Variants in PRKCE observed in about 807,000 individuals in gnomAD.
The protein encoded by PRKCE is protein kinase C epsilon, also known as protein kinase C epsilon type.
PRKCE carries 16 observed loss-of-function variants against 85.4 expected under a neutral mutation model. The observed-to-expected ratio is 0.19, with a 90% confidence interval of 0.13 to 0.28. The LOEUF is 0.28. Ranked by LOEUF, PRKCE falls within the 10% of genes least tolerant of loss-of-function variation. The probability of loss-of-function intolerance (pLI) is 1.00; values close to 1 mark genes in which losing one functional copy is unlikely to be tolerated. For synonymous variants in PRKCE, 388 were observed against 371.5 expected, an observed-to-expected ratio of 1.04 and a Z score of -0.51; for missense variants, 573 against 975.2, an observed-to-expected ratio of 0.59 and a Z score of 5.49.
At position 46,004,312 on chromosome 2, in the gene PRKCE, G is replaced by T; in HGVS notation, c.967-230G>T. 2.1e-6 allele frequency: 1 copy of T among 470,822 alleles called. No individual in the cohort carries two copies. The highest frequency in any genetic ancestry group is 4.1e-5 in the East Asian group (1 of 24,542). The allele number at this position is 470,822 out of a possible 1,614,324, so 29.2% of individuals were successfully genotyped here. A position where few individuals can be genotyped will look rare whatever the true frequency, so the allele number is the denominator to read the frequency against. On this transcript the variant is annotated intron_variant, in intron 7 of 14. Coordinates refer to ENST00000306156, the MANE Select transcript of PRKCE (RefSeq NM_005400.3). This position sits in a 1 kb window ranked among gnomAD's most constrained non-coding sequence, Gnocchi z 4.1. ...GACATCATCCTTCTGTGAATGTAGG[G>T]AAGGTGCACTGAAATTCCTTTTGTG... is the stretch of plus-strand genomic sequence containing the variant.
At chr2:45,983,082 G>C (rs151240338) in intron 5 of PRKCE, among the ~76,000 whole-genome samples, 197 of 152,348 alleles carry the variant, frequency 1.3e-3, no homozygotes, top group Non-Finnish European at 1.9e-3. Context: ...GAATGGGTGA[G>C]TATAGTTGTT....
At chr2:45,752,441 C>A (rs1418235832) in intron 1 of PRKCE, among the ~76,000 whole-genome samples, 1 of 152,122 alleles carries the variant, frequency 6.6e-6, no homozygotes, top group Non-Finnish European at 1.5e-5. Flanking sequence ...CGCCCTCCCT[C>A]CCCTCCCCAC....
At chr2:45,976,366 A>G in intron 2 of PRKCE, 63 bp from the exon 3 acceptor site, 1 of 1,543,276 alleles carries the variant, frequency 6.5e-7, no homozygotes, top group Non-Finnish European at 8.8e-7. Flanking sequence ...CTCCAGAGGG[A>G]GCTCATTTTG....
intron 1 of PRKCE, among the ~76,000 whole-genome samples, chr2:45,746,384 C>T (rs1409876920): frequency 6.6e-6 from 1 of 152,194 alleles, no homozygotes; most frequent in Non-Finnish European, 1.5e-5. Flanking sequence ...CTTTCTGGTC[C>T]TCACTGTTGA....
At chr2:46,098,412 C>T (rs1574466764) in intron 11 of PRKCE, among the ~76,000 whole-genome samples, 1 of 152,172 alleles carries the variant, frequency 6.6e-6, no homozygotes, top group Admixed American at 6.5e-5. Context: ...AGAGTAATTG[C>T]TCACTAAACA....
intron 6 of PRKCE, among the ~76,000 whole-genome samples, chr2:45,991,301 C>G (rs971067884): frequency 6.6e-5 from 10 of 152,218 alleles, no homozygotes; most frequent in African/African-American, 2.4e-4. Context: ...GCCACCACGC[C>G]AGACCTTATA....
At chr2:45,681,458 T>A (rs1676896177) in intron 1 of PRKCE, among the ~76,000 whole-genome samples, 1 of 152,174 alleles carries the variant, frequency 6.6e-6, no homozygotes, top group South Asian at 2.1e-4. Context: ...TATATCTATT[T>A]GTAAACTGAG....
At chr2:45,894,958 G>A (rs1199050772) in intron 2 of PRKCE, among the ~76,000 whole-genome samples, 1 of 152,162 alleles carries the variant, frequency 6.6e-6, no homozygotes, top group African/African-American at 2.4e-5. Context: ...CCTGACCTCA[G>A]GCGATCTGTC....
intron 1 of PRKCE, among the ~76,000 whole-genome samples, chr2:45,743,283 T>G (rs1204711033): frequency 1.3e-5 from 2 of 152,182 alleles, no homozygotes; most frequent in Non-Finnish European, 2.9e-5. Context: ...TACAAAAAAG[T>G]AGGTGAGGTG....
In PRKCE at chr2:45,856,310, A is replaced by G. The variant is rs559037605; in HGVS notation, c.412+13247A>G. 4.9e-3 allele frequency among the ~76,000 whole-genome samples: 749 copies of G among 152,266 alleles called. 7 individuals are homozygous for G. The highest frequency in any genetic ancestry group is 0.017 in the African/African-American group (694 of 41,552). On this transcript the variant is annotated intron_variant, in intron 2 of 14. Transcript: ENST00000306156. Reference sequence around the variant, plus strand: ...CAGTGGCACAGTCTCCGCTCACTGCAGCCTCTGCCTCTCAGGTTCGAGTAA... The same window carrying G: ...CAGTGGCACAGTCTCCGCTCACTGCGGCCTCTGCCTCTCAGGTTCGAGTAA...
rs903630758 is a variant in PRKCE, at chr2:45,786,154, A to C, written c.349-56846A>C. 9.9e-5 allele frequency among the ~76,000 whole-genome samples: 15 copies of C among 152,160 alleles called. No homozygotes were observed. Among genetic ancestry groups the C allele is most frequent in the Admixed American group, 6.5e-5 (1 of 15,284 alleles). On this transcript the variant is annotated intron_variant, in intron 1 of 14. Coordinates refer to ENST00000306156, the MANE Select transcript of PRKCE (RefSeq NM_005400.3). The surrounding 1 kb of genome is among the most constrained non-coding windows in gnomAD (Gnocchi z 5.3). ...TTGAAATGAGCAATGTATTATTAGC[A>C]AGGGGCATTGATTGCAGTCTGCCAG... is the stretch of plus-strand genomic sequence containing the variant.
intron 1 of PRKCE, among the ~76,000 whole-genome samples, chr2:45,702,238 A>T (rs971835268): frequency 6.6e-6 from 1 of 152,168 alleles, no homozygotes; most frequent in Non-Finnish European, 1.5e-5. Flanking sequence ...TATGCACTTG[A>T]AAATGGGAGT....
At chr2:45,783,109 G>A (rs1486788950) in intron 1 of PRKCE, among the ~76,000 whole-genome samples, 2 of 152,216 alleles carry the variant, frequency 1.3e-5, no homozygotes, top group African/African-American at 4.8e-5. Context: ...TGCACTCCCA[G>A]GCTGGTGCTT....
At chr2:45,873,085 A>G (rs1265837367) in intron 2 of PRKCE, among the ~76,000 whole-genome samples, 1 of 152,222 alleles carries the variant, frequency 6.6e-6, no homozygotes, top group Non-Finnish European at 1.5e-5. Context: ...GCCTACCCAG[A>G]TATACTTCTT....
intron 2 of PRKCE, among the ~76,000 whole-genome samples, chr2:45,963,426 A>T (rs1241871933): frequency 6.6e-6 from 1 of 152,070 alleles, no homozygotes; most frequent in Admixed American, 6.5e-5. Context: ...CTCCTGCCTC[A>T]GCCTCCCGAG....
chr2:46,010,369 A>G lies in PRKCE; in HGVS notation c.1289A>G (p.Lys430Arg). 1 of 1,596,998 alleles carries G rather than the reference A, an allele frequency of 6.3e-7. No individual in the cohort carries two copies. The highest frequency in any genetic ancestry group is 8.5e-7 in the Non-Finnish European group (1 of 1,177,768). Residue 430 changes from lysine to arginine, a missense_variant, in exon 10 of 15, where the codon AAA becomes AGA. Around this residue, in one of 11 missense-constraint regions of PRKCE, gnomAD observed 89 missense variants for 154.1 expected, o/e 0.58. Coordinates refer to ENST00000306156, the MANE Select transcript of PRKCE (RefSeq NM_005400.3). ...GKVMLAELKGKDEVYAVKVLK... is the reference protein window; with the variant it reads ...GKVMLAELKGRDEVYAVKVLK... ...GTCATGTTGGCAGAACTCAAGGGCA[A>G]AGATGAAGTATATGCTGTGAAGGTC...
At chr2:45,716,467 A>G (rs891282800) in intron 1 of PRKCE, among the ~76,000 whole-genome samples, 4 of 152,170 alleles carry the variant, frequency 2.6e-5, no homozygotes, top group South Asian at 4.2e-4. Context: ...CAGAGAGCCA[A>G]CTTCTGGAGT....
Position 46,007,580 on chromosome 2 carries a change from A to C in PRKCE, c.1182A>C (p.Glu394Asp). 1 of 1,599,818 alleles carries C rather than the reference A, an allele frequency of 6.3e-7. No homozygotes were observed. The highest frequency in any genetic ancestry group is 1.1e-5 in the South Asian group (1 of 91,086). The change falls in exon 9 of 15, where the codon GAA (glutamate) becomes GAC (aspartate). Residue 394 changes from glutamate to aspartate, a missense_variant. Transcript: ENST00000306156. ...TGATGAGCCCCGGTGAGAATGGCGA[A>C]GTCCGGCAAGGCCAGGCCAAGCGCC... ...GQLMSPGENG[E>D]VRQGQAKRLG...
intron 1 of PRKCE, among the ~76,000 whole-genome samples, chr2:45,658,081 A>C (rs1675462314): frequency 6.6e-6 from 1 of 152,202 alleles, no homozygotes; most frequent in African/African-American, 2.4e-5. Flanking sequence ...TGTCATTTAA[A>C]CACAGTGGGG....
Sources: gnomAD v4.1 joint callset for allele counts (sites outside exome capture counted in the v4.1 genomes callset) on GRCh38, gnomAD v4.1.1 for gene constraint, gnomAD v4.1.1 regional missense constraint, Gnocchi (gnomAD v3.1) non-coding constraint, MANE v1.5 for transcripts, NCBI Gene and HGNC (gene_info 2026-07-23, HGNC 2026-07-21) for gene names.